Variants in TBX5 observed in about 807,000 individuals in gnomAD.
TBX5 encodes the protein T-box transcription factor TBX5.
TBX5 carries 8 observed loss-of-function variants against 51.1 expected under a neutral mutation model. That is an observed-to-expected ratio of 0.16 (90% CI 0.09 to 0.28). The LOEUF (loss-of-function observed/expected upper bound fraction) is 0.28, where lower values mean the gene tolerates loss of function less well. TBX5 is among the 10% of genes least tolerant of loss of function. The pLI is 1.00. For synonymous variants in TBX5, 302 were observed against 266.4 expected (o/e 1.13, Z -1.30); for missense variants, 589 against 671.7 (o/e 0.88, Z 1.36).
At chr12:114,396,148 G>A (rs1312707911) in intron 5 of TBX5, among the ~76,000 whole-genome samples, 1 of 152,006 alleles carries the variant, frequency 6.6e-6, no homozygotes, top group African/African-American at 2.4e-5. Context: ...GGCGAGCCGC[G>A]GCCGGGGGCG....
intron 8 of TBX5, among the ~76,000 whole-genome samples, chr12:114,358,291 C>T (rs903447065): frequency 2.6e-5 from 4 of 152,190 alleles, no homozygotes; most frequent in African/African-American, 9.6e-5. Context: ...TGCATGTCCT[C>T]AATCCCAGTC....
intron 6 of TBX5, among the ~76,000 whole-genome samples, chr12:114,387,195 G>C (rs1401371140): frequency 6.6e-6 from 1 of 152,028 alleles, no homozygotes; most frequent in African/African-American, 2.4e-5. Context: ...AAATCATCTC[G>C]AGTCTTTCCC....
chr12:114,405,033 C>T (rs1408941678), intron 1 of TBX5, among the ~76,000 whole-genome samples: 1 of 152,234 alleles, frequency 6.6e-6, no homozygotes, highest in African/African-American at 2.4e-5. Flanking sequence ...CTTCTATACG[C>T]AAGTAGGAAT....
upstream of TBX5, chr12:114,408,205 C>CG (rs1039462057): frequency 1.1e-5 from 11 of 985,168 alleles, no homozygotes; most frequent in African/African-American, 1.9e-4. Context: ...GCCGGGTCTG[C>CG]GCAGCCACAG....
rs368805889 is a variant in TBX5 at position 114,377,313 on chromosome 12, A to G, written c.755+8163T>C. ...GCTGAAAATTAATTTAAAATCAGGA[A>G]GGAAGTAATAGAAGAGGGAAGGTTC... On this transcript the variant is annotated intron_variant, in intron 7 of 8. Coordinates refer to ENST00000405440, the MANE Select transcript of TBX5 (RefSeq NM_181486.4). Among the ~76,000 whole-genome samples, 15 of 152,362 alleles carry G rather than the reference A, an allele frequency of 9.8e-5. No homozygotes were observed. The East Asian group carries it at 2.3e-3, about 23-fold the overall frequency.
At chr12:114,396,212 G>A (rs990997051) in intron 5 of TBX5, among the ~76,000 whole-genome samples, 1 of 151,960 alleles carries the variant, frequency 6.6e-6, no homozygotes, top group East Asian at 2.0e-4. Context: ...CGGGCCGCGC[G>A]TCTCTAATCT....
At chr12:114,389,878 C>T (rs17674849) in intron 6 of TBX5, among the ~76,000 whole-genome samples, 36,577 of 150,842 alleles carry the variant, frequency 0.24, 4,697 homozygotes, top group South Asian at 0.34. Flanking sequence ...GGCTGTGACA[C>T]CAGAATTTAG....
chr12:114,393,194 G>A (rs933478455), intron 6 of TBX5, among the ~76,000 whole-genome samples: 12 of 152,070 alleles, frequency 7.9e-5, no homozygotes, highest in African/African-American at 2.2e-4. Flanking sequence ...ATCCTTCTCC[G>A]GCCTCTCCTG....
At chr12:114,397,366 A>G (rs1327777979) in intron 5 of TBX5, among the ~76,000 whole-genome samples, 3 of 152,144 alleles carry the variant, frequency 2.0e-5, no homozygotes, top group Admixed American at 6.5e-5. Flanking sequence ...TGCAAAAGCT[A>G]TGCCTCCCGT....
At chr12:114,397,524 G>A (rs1428600849) in intron 5 of TBX5, among the ~76,000 whole-genome samples, 1 of 152,194 alleles carries the variant, frequency 6.6e-6, no homozygotes, top group African/African-American at 2.4e-5. Flanking sequence ...GAGATTTGGG[G>A]ACATTTTTTC....
chr12:114,360,411 A>C (rs915169424), intron 8 of TBX5, among the ~76,000 whole-genome samples: 1 of 146,224 alleles, frequency 6.8e-6, no homozygotes. Flanking sequence ...TGGATGAATG[A>C]ATGAGTGGGA....
chr12:114,406,066 C>CT lies in TBX5; in HGVS notation c.-478dup. On this transcript the variant is annotated 5_prime_UTR_variant, in exon 1 of 9. Transcript: ENST00000405440. ...AGTCAGTCTCTCTCACTCTCTCTCC[C>CT]TCTCTCTCTCTCTCTGAAATACAAG... 1 of 640,002 alleles carries CT rather than the reference C, an allele frequency of 1.6e-6. No homozygotes were observed. The highest frequency in any genetic ancestry group is 1.9e-6 in the Non-Finnish European group (1 of 515,718). 39.6% of individuals were successfully genotyped at this position (640,002 alleles called of 1,614,324 possible).
rs371880710 is a variant in TBX5, at chr12:114,355,402, A to T, written c.*130T>A. On this transcript the variant is annotated 3_prime_UTR_variant, in exon 9 of 9. Coordinates refer to ENST00000405440, the MANE Select transcript of TBX5 (RefSeq NM_181486.4). ...CAGCATCCAGCGACCTTGAGTGCAG[A>T]TGTGAACATTGGGTGAAATGAAAAA... 1.0e-5 allele frequency: 12 copies of T among 1,152,966 alleles called. No homozygotes were observed. In the African/African-American group the frequency reaches 1.1e-4, roughly 10 times the overall value. 71.4% of individuals were successfully genotyped at this position (1,152,966 alleles called of 1,614,324 possible).
At chr12:114,403,302 G>A (rs948454515) in intron 2 of TBX5, among the ~76,000 whole-genome samples, 2 of 152,238 alleles carry the variant, frequency 1.3e-5, no homozygotes, top group Non-Finnish European at 2.9e-5. Context: ...GGCGGGAGGA[G>A]GCGAAGGCTA....
rs35970834 is a variant in TBX5, at chr12:114,385,840, C to CTTT, written c.664-276_664-274dup. Among the ~76,000 whole-genome samples the CTTT allele has an allele frequency of 1.7e-3, 250 of 144,226 alleles. 2 individuals are homozygous for CTTT. The highest frequency in any genetic ancestry group is 0.01 in the East Asian group (50 of 4,850). The allele number at this position is 144,226 out of a possible 152,430, so 94.6% of individuals were successfully genotyped here. ...TACTCTGCATCATTCCAGCTGGGTTCTTTTTTTTTTTTTTCCAATCTTGCA... is the reference window on the plus strand; with the variant it reads ...TACTCTGCATCATTCCAGCTGGGTTCTTTTTTTTTTTTTTTTTCCAATCTTGCA... On this transcript the variant is annotated intron_variant, in intron 6 of 8. Coordinates refer to ENST00000405440, the MANE Select transcript of TBX5 (RefSeq NM_181486.4).
At chr12:114,403,629 T>C in intron 2 of TBX5, 123 bp downstream of exon 2, 1 of 1,392,098 alleles carries the variant, frequency 7.2e-7, no homozygotes, top group Admixed American at 2.2e-5. Flanking sequence ...ATTATAGTCG[T>C]TGGGTTCGTT....
chr12:114,356,192 A>C (rs1405854465), intron 8 of TBX5, 86 bp from the exon 9 acceptor site: 1 of 1,289,792 alleles, frequency 7.8e-7, no homozygotes, highest in East Asian at 2.3e-5. Context: ...CAAAGTACTG[A>C]AGAATAAGTC....
At chr12:114,389,885 T>C (rs537403806) in intron 6 of TBX5, among the ~76,000 whole-genome samples, 15 of 151,040 alleles carry the variant, frequency 9.9e-5, no homozygotes, top group Non-Finnish European at 1.9e-4. Flanking sequence ...ACACCAGAAT[T>C]TAGTGAGGAT....
At chr12:114,376,952 G>A (rs982379491) in intron 7 of TBX5, among the ~76,000 whole-genome samples, 3 of 152,040 alleles carry the variant, frequency 2.0e-5, no homozygotes, top group African/African-American at 7.2e-5. Context: ...GCGGGGTTGG[G>A]TTCTGAGCAT....
Sources: allele counts gnomAD v4.1 joint callset (sites outside exome capture counted in the v4.1 genomes callset), GRCh38; gene constraint gnomAD v4.1.1; transcripts MANE v1.5; gene names NCBI Gene and HGNC (gene_info 2026-07-23, HGNC 2026-07-21).